FSTL4: variants seen among roughly 807,000 people sequenced by gnomAD.
The protein encoded by FSTL4 is follistatin like 4, also known as follistatin-related protein 4.
A neutral mutation model predicts 78.2 loss-of-function variants in FSTL4; 28 were observed. The observed-to-expected ratio is 0.36, with a 90% CI of 0.27 to 0.49. FSTL4 has a LOEUF of 0.49. Among genes scored for constraint, FSTL4 ranks in the 20% least tolerant of loss-of-function variants. FSTL4 has a pLI of 0.98. For missense variants in FSTL4, 922 were observed against 1,084.9 expected, an observed-to-expected ratio of 0.85 and a Z score of 2.11; for synonymous variants, 422 against 440.5, an observed-to-expected ratio of 0.96 and a Z score of 0.53.
At chr5:133,828,150 G>A in the FSTL4 span, among the ~76,000 whole-genome samples, 1 of 152,180 alleles carries the variant, frequency 6.6e-6, no homozygotes, top group African/African-American at 2.4e-5. Flanking sequence ...TTCCCTAGGG[G>A]AGGACAAGGG....
chr5:133,774,749 G>A, the FSTL4 span, among the ~76,000 whole-genome samples: 2 of 152,260 alleles, frequency 1.3e-5, no homozygotes, highest in East Asian at 3.9e-4. Flanking sequence ...CTCTGTCATA[G>A]TATAGCCTTA....
At chr5:133,669,293 A>G in the FSTL4 span, among the ~76,000 whole-genome samples, 2 of 152,172 alleles carry the variant, frequency 1.3e-5, no homozygotes, top group Non-Finnish European at 2.9e-5. Context: ...CCAAATCCTG[A>G]GATGGGGGGG....
the FSTL4 span, among the ~76,000 whole-genome samples, chr5:133,733,300 G>A: frequency 3.2e-4 from 49 of 152,128 alleles, no homozygotes; most frequent in Non-Finnish European, 5.7e-4. Context: ...TTTGCCCTCC[G>A]TCCTTGAAAT....
intron 2 of FSTL4, among the ~76,000 whole-genome samples, chr5:133,598,741 C>T (rs961264066): frequency 6.6e-6 from 1 of 152,114 alleles, no homozygotes; most frequent in African/African-American, 2.4e-5. Flanking sequence ...CCTGGGGAGA[C>T]CATTCTCGCC....
At chr5:133,668,113 C>T in the FSTL4 span, among the ~76,000 whole-genome samples, 2 of 152,244 alleles carry the variant, frequency 1.3e-5, no homozygotes, top group Non-Finnish European at 2.9e-5. Context: ...ATGATTTCAA[C>T]ATCTGAATGT....
At chr5:133,485,710 C>T (rs912295236) in intron 3 of FSTL4, among the ~76,000 whole-genome samples, 2 of 152,180 alleles carry the variant, frequency 1.3e-5, no homozygotes, top group African/African-American at 2.4e-5. Flanking sequence ...TTCGGGTCCT[C>T]GGCAAGCACT....
the FSTL4 span, among the ~76,000 whole-genome samples, chr5:133,704,104 A>G: frequency 2.0e-5 from 3 of 152,284 alleles, no homozygotes; most frequent in Admixed American, 2.0e-4. Flanking sequence ...AGAGGTTATC[A>G]TCTCCACACC....
intron 7 of FSTL4, among the ~76,000 whole-genome samples, chr5:133,249,151 G>A (rs112183957): frequency 0.021 from 3,186 of 152,296 alleles, 78 homozygotes; most frequent in Middle Eastern, 0.082. Context: ...ATGCAGCCCC[G>A]TTCAGAGGCC....
At chr5:133,321,857 T>C (rs1003273879) in intron 4 of FSTL4, among the ~76,000 whole-genome samples, 2 of 152,224 alleles carry the variant, frequency 1.3e-5, no homozygotes, top group African/African-American at 4.8e-5. Flanking sequence ...CAGCAGGGGC[T>C]GCCAGGTTGG....
At chr5:133,781,719 C>T in the FSTL4 span, among the ~76,000 whole-genome samples, 9 of 152,140 alleles carry the variant, frequency 5.9e-5, no homozygotes, top group African/African-American at 1.7e-4. Context: ...TGTGCACCCC[C>T]GCCCCCACAA....
At chr5:133,779,657 A>G in the FSTL4 span, among the ~76,000 whole-genome samples, 2 of 152,184 alleles carry the variant, frequency 1.3e-5, no homozygotes, top group East Asian at 1.9e-4. Flanking sequence ...AAAAACTTCC[A>G]ATCACTCCCC....
At chr5:133,328,823 TA>T (rs1259609059) in intron 4 of FSTL4, among the ~76,000 whole-genome samples, 1 of 152,148 alleles carries the variant, frequency 6.6e-6, no homozygotes, top group Non-Finnish European at 1.5e-5. Flanking sequence ...TGTTTAATTT[TA>T]TTAATTTTGT....
intron 2 of FSTL4, among the ~76,000 whole-genome samples, chr5:133,597,113 G>C (rs560573669): frequency 1.1e-4 from 16 of 152,144 alleles, no homozygotes; most frequent in African/African-American, 3.4e-4. Flanking sequence ...CATCCTCCAT[G>C]TCTAGTTCCA....
chr5:133,835,219 C>T, the FSTL4 span, among the ~76,000 whole-genome samples: 6 of 152,152 alleles, frequency 3.9e-5, no homozygotes, highest in Non-Finnish European at 7.4e-5. Flanking sequence ...CATTGGGAGC[C>T]CAGCACACTT....
intron 3 of FSTL4, among the ~76,000 whole-genome samples, chr5:133,565,834 T>A (rs921243936): frequency 2.0e-5 from 3 of 152,176 alleles, no homozygotes; most frequent in Non-Finnish European, 2.9e-5. Flanking sequence ...ACAATGCAAA[T>A]CAATTCCAAA....
intron 3 of FSTL4, among the ~76,000 whole-genome samples, chr5:133,539,819 T>C (rs1054681730): frequency 2.0e-5 from 3 of 151,732 alleles, no homozygotes; most frequent in African/African-American, 7.3e-5. Flanking sequence ...GTATAATTTT[T>C]GAAAAAACAA....
At chr5:133,407,714 G>A (rs1415178607) in intron 3 of FSTL4, among the ~76,000 whole-genome samples, 1 of 152,208 alleles carries the variant, frequency 6.6e-6, no homozygotes, top group African/African-American at 2.4e-5. Context: ...AGCACAAATA[G>A]GTTTCTACAT....
At chr5:133,238,737 G>T (rs1202614400) in intron 7 of FSTL4, among the ~76,000 whole-genome samples, 2 of 152,242 alleles carry the variant, frequency 1.3e-5, no homozygotes, top group East Asian at 3.8e-4. Flanking sequence ...CCAACATACT[G>T]GCTCCCTAGT....
chr5:133,408,485 A>C (rs1186108769), intron 3 of FSTL4, among the ~76,000 whole-genome samples: 1 of 145,126 alleles, frequency 6.9e-6, no homozygotes, highest in African/African-American at 2.5e-5. Context: ...GGTGGAGCAG[A>C]GGGAGAAGGG....
Sources: allele counts gnomAD v4.1 joint callset (sites outside exome capture counted in the v4.1 genomes callset), GRCh38; gene constraint gnomAD v4.1.1; transcripts MANE v1.5; gene names NCBI Gene and HGNC (gene_info 2026-07-23, HGNC 2026-07-21).